CFAP20DC: variants seen among roughly 807,000 people sequenced by gnomAD.
The protein encoded by CFAP20DC is protein CFAP20DC.
In CFAP20DC, 84 loss-of-function variants were observed where a neutral mutation model predicts 101.7. The ratio of observed to expected loss-of-function variants is 0.83; its 90% CI spans 0.69 to 0.99. The LOEUF is 0.99. Ranked by LOEUF, CFAP20DC falls within the 50% of genes least tolerant of loss-of-function variation. CFAP20DC has a pLI of 0.00. For missense variants in CFAP20DC, 1,007 were observed against 970.3 expected, an observed-to-expected ratio of 1.04 and a Z score of -0.50; for synonymous variants, 359 against 351.2, an observed-to-expected ratio of 1.02 and a Z score of -0.25.
chr3:59,048,129 TAAGA>T (rs1008938253), intron 1 of CFAP20DC, among the ~76,000 whole-genome samples: 16 of 152,304 alleles, frequency 1.1e-4, no homozygotes, highest in South Asian at 2.1e-4. Flanking sequence ...TTTAATTATT[TAAGA>T]AAGGGGAATT....
At chr3:58,821,069 G>T (rs2075602000) in intron 14 of CFAP20DC, among the ~76,000 whole-genome samples, 1 of 151,794 alleles carries the variant, frequency 6.6e-6, no homozygotes, top group Admixed American at 6.6e-5. Context: ...AATAAATGGT[G>T]CTGGGAAAAC....
chr3:58,906,974 A>G (rs1156646368), intron 6 of CFAP20DC, among the ~76,000 whole-genome samples: 2 of 152,146 alleles, frequency 1.3e-5, no homozygotes, highest in Non-Finnish European at 2.9e-5. Flanking sequence ...TAAACTTCTT[A>G]GGTCAGTATC....
Position 59,007,054 on chromosome 3 carries a change from C to T in CFAP20DC, c.278+32503G>A, listed in dbSNP as rs561726406. On this transcript the variant is annotated intron_variant, in intron 4 of 16. Coordinates refer to ENST00000482387, the MANE Select transcript of CFAP20DC (RefSeq NM_001394063.1). The surrounding 1 kb of genome is among the most constrained non-coding windows in gnomAD (Gnocchi z 4.4). ...GCCAACTGTGTGGAGCTGGGTGAGGCCTTTTGCTACTGGATGTCACCCACT... is the reference window on the plus strand; with the variant it reads ...GCCAACTGTGTGGAGCTGGGTGAGGTCTTTTGCTACTGGATGTCACCCACT... 6.6e-6 allele frequency among the ~76,000 whole-genome samples: 1 copy of T among 152,006 alleles called. No homozygotes were observed. Among genetic ancestry groups the T allele is most frequent in the South Asian group, 2.1e-4 (1 of 4,808 alleles).
At chr3:58,825,325 A>T (rs1166036233) in intron 14 of CFAP20DC, among the ~76,000 whole-genome samples, 1 of 152,190 alleles carries the variant, frequency 6.6e-6, no homozygotes, top group Non-Finnish European at 1.5e-5. Flanking sequence ...TACTCTGCTA[A>T]GCACCAGGCA....
chr3:59,034,389 C>A (rs1483667655), intron 4 of CFAP20DC, among the ~76,000 whole-genome samples: 1 of 152,126 alleles, frequency 6.6e-6, no homozygotes, highest in Non-Finnish European at 1.5e-5. Context: ...CCAATTAAGA[C>A]ACAGTCTGGC....
chr3:58,762,980 T>C (rs1205275708), intron 15 of CFAP20DC, among the ~76,000 whole-genome samples: 1 of 152,218 alleles, frequency 6.6e-6, no homozygotes, highest in Admixed American at 6.5e-5. Context: ...ATTTTTTCCT[T>C]CATTTCAACT....
At chr3:58,875,193 A>T (rs1445387935) in intron 7 of CFAP20DC, among the ~76,000 whole-genome samples, 1 of 152,210 alleles carries the variant, frequency 6.6e-6, no homozygotes, top group Non-Finnish European at 1.5e-5. Flanking sequence ...TGGATTACAC[A>T]TGAAATTTCC....
rs1050361467 is a variant in CFAP20DC at position 58,971,845 on chromosome 3, TATC to T, written c.279-34086_279-34084del. 2.7e-5 allele frequency among the ~76,000 whole-genome samples: 4 copies of T among 148,990 alleles called. No homozygotes were observed. The highest frequency in any genetic ancestry group is 1.9e-4 in the East Asian group (1 of 5,146). On this transcript the variant is annotated intron_variant, in intron 4 of 16. Coordinates refer to ENST00000482387, the MANE Select transcript of CFAP20DC (RefSeq NM_001394063.1). The surrounding 1 kb of genome is among the most constrained non-coding windows in gnomAD (Gnocchi z 4.1). Reference sequence around the variant, plus strand: ...CCACTTGTGGGAAAAAGGACTGTAATATCATACACACGCACACATACACACACA... The same window carrying T: ...CCACTTGTGGGAAAAAGGACTGTAATATACACACGCACACATACACACACA...
chr3:58,716,988 C>T (rs1276598142), downstream of CFAP20DC, among the ~76,000 whole-genome samples: 3 of 152,076 alleles, frequency 2.0e-5, no homozygotes, highest in East Asian at 5.8e-4. Context: ...TACCCTACAC[C>T]ACTGGACCCC....
intron 7 of CFAP20DC, among the ~76,000 whole-genome samples, chr3:58,880,541 T>G (rs1478405590): frequency 6.6e-6 from 1 of 152,146 alleles, no homozygotes; most frequent in Non-Finnish European, 1.5e-5. Flanking sequence ...TAGGTATGAG[T>G]CAATCCTGCA....
intron 6 of CFAP20DC, among the ~76,000 whole-genome samples, chr3:58,903,756 A>G (rs2083358530): frequency 6.6e-6 from 1 of 152,140 alleles, no homozygotes; most frequent in East Asian, 1.9e-4. Context: ...TCCCACCACA[A>G]CACATGGGGA....
chr3:59,024,442 G>A (rs565232774), intron 4 of CFAP20DC, among the ~76,000 whole-genome samples: 2 of 152,256 alleles, frequency 1.3e-5, no homozygotes, highest in East Asian at 1.9e-4. Context: ...GAGGTGGAGA[G>A]TTGGTTGTTG....
At chr3:58,759,353 T>A (rs1489891379) in intron 15 of CFAP20DC, among the ~76,000 whole-genome samples, 3 of 152,260 alleles carry the variant, frequency 2.0e-5, no homozygotes, top group Non-Finnish European at 4.4e-5. Context: ...GAAGTGTCTG[T>A]TCATATCCTT....
chr3:58,804,981 G>C (rs2073956620), intron 15 of CFAP20DC, among the ~76,000 whole-genome samples: 1 of 152,124 alleles, frequency 6.6e-6, no homozygotes, highest in African/African-American at 2.4e-5. Context: ...TACTAGTAAA[G>C]AACATTTACT....
At chr3:58,960,258 C>G (rs759051632) in intron 4 of CFAP20DC, among the ~76,000 whole-genome samples, 23 of 150,880 alleles carry the variant, frequency 1.5e-4, no homozygotes, top group Non-Finnish European at 3.1e-4. Context: ...TTTGGGAGGC[C>G]GAGGTGGGTG....
chr3:58,969,462 C>T (rs1436785489), intron 4 of CFAP20DC, among the ~76,000 whole-genome samples: 1 of 152,114 alleles, frequency 6.6e-6, no homozygotes, highest in Non-Finnish European at 1.5e-5. Context: ...AGCAATTTCA[C>T]TCGTAGGTGA....
rs2093469857 is a variant in CFAP20DC, at chr3:59,007,673, A to G, written c.278+31884T>C. On this transcript the variant is annotated intron_variant, in intron 4 of 16. Transcript: ENST00000482387. This position sits in a 1 kb window ranked among gnomAD's most constrained non-coding sequence, Gnocchi z 4.4. Reference sequence around the variant, plus strand: ...GGTATCATGGCTGGGAGACCTGACGACAGATCACATCACAGGACTCTTTGC... The same window carrying G: ...GGTATCATGGCTGGGAGACCTGACGGCAGATCACATCACAGGACTCTTTGC... Among the ~76,000 whole-genome samples the G allele has an allele frequency of 6.6e-6, 1 of 152,306 alleles. No individual in the cohort carries two copies. Among genetic ancestry groups the G allele is most frequent in the East Asian group, 1.9e-4 (1 of 5,180 alleles).
chr3:58,742,030 T>C lies in CFAP20DC; in HGVS notation c.*430A>G. 1.1e-6 allele frequency: 1 copy of C among 950,990 alleles called. No homozygotes were observed. The highest frequency in any genetic ancestry group is 4.9e-5 in the South Asian group (1 of 20,516). 58.9% of individuals were successfully genotyped at this position (950,990 alleles called of 1,614,324 possible). ...CTATTCTTCTTACCATCATACTTTATTTTTAATACAAATGCCATAAAATAA... is the reference window on the plus strand; with the variant it reads ...CTATTCTTCTTACCATCATACTTTACTTTTAATACAAATGCCATAAAATAA... On this transcript the variant is annotated 3_prime_UTR_variant, in exon 17 of 17. Coordinates refer to ENST00000482387, the MANE Select transcript of CFAP20DC (RefSeq NM_001394063.1).
At chr3:58,931,595 A>G (rs539084785) in intron 5 of CFAP20DC, among the ~76,000 whole-genome samples, 1 of 152,176 alleles carries the variant, frequency 6.6e-6, no homozygotes, top group African/African-American at 2.4e-5. Flanking sequence ...GAACGATCAG[A>G]CAGCAGCATT....
Sources: allele counts gnomAD v4.1 joint callset (sites outside exome capture counted in the v4.1 genomes callset), GRCh38; gene constraint gnomAD v4.1.1; non-coding constraint Gnocchi (gnomAD v3.1); transcripts MANE v1.5; gene names NCBI Gene and HGNC (gene_info 2026-07-23, HGNC 2026-07-21).